The following GSDMC variants were observed in gnomAD, a reference collection of about 807,000 sequenced individuals.
GSDMC encodes the protein gasdermin-C.
GSDMC carries 59 observed loss-of-function variants against 58.0 expected under a neutral mutation model. That is an observed-to-expected ratio of 1.02 (90% CI 0.82 to 1.26). The LOEUF (loss-of-function observed/expected upper bound fraction) is 1.26. GSDMC is among the 50% of genes most tolerant of loss of function. The pLI, the probability that GSDMC is intolerant of heterozygous loss-of-function variation, is 0.00. For missense variants in GSDMC, 659 were observed against 598.5 expected (o/e 1.10, Z -1.06); for synonymous variants, 241 against 220.2 (o/e 1.09, Z -0.83).
the GSDMC span, among the ~76,000 whole-genome samples, chr8:129,724,967 G>A: frequency 1.3e-5 from 2 of 152,150 alleles, no homozygotes; most frequent in Non-Finnish European, 1.5e-5. Context: ...AGGTTTTCTT[G>A]AAGTGCTCCT....
intron 1 of GSDMC, among the ~76,000 whole-genome samples, chr8:129,778,231 C>G (rs1012755139): frequency 6.6e-6 from 1 of 152,100 alleles, no homozygotes; most frequent in African/African-American, 2.4e-5. Flanking sequence ...GTACAGAAAT[C>G]AGCAAGTGCA....
At chr8:129,709,575 T>TA in the GSDMC span, among the ~76,000 whole-genome samples, 268 of 148,650 alleles carry the variant, frequency 1.8e-3, no homozygotes, top group East Asian at 5.4e-3. Flanking sequence ...AGATGATAGA[T>TA]GATAGATAGA....
chr8:129,732,417 A>G, the GSDMC span, among the ~76,000 whole-genome samples: 1 of 152,082 alleles, frequency 6.6e-6, no homozygotes, highest in Non-Finnish European at 1.5e-5. Context: ...AAATAATACT[A>G]TTATAGGGAA....
intron 6 of GSDMC, among the ~76,000 whole-genome samples, chr8:129,753,403 G>A (rs575222895): frequency 6.6e-6 from 1 of 152,252 alleles, no homozygotes; most frequent in South Asian, 2.1e-4. Context: ...GGGTGAAAAG[G>A]GAACCTACTG....
At chr8:129,731,127 A>G in the GSDMC span, among the ~76,000 whole-genome samples, 3 of 152,212 alleles carry the variant, frequency 2.0e-5, no homozygotes, top group East Asian at 1.9e-4. Context: ...TAATTTTAAT[A>G]TAAAAAAACT....
At chr8:129,776,536 G>C (rs2034232019) in intron 2 of GSDMC, among the ~76,000 whole-genome samples, 1 of 152,144 alleles carries the variant, frequency 6.6e-6, no homozygotes, top group South Asian at 2.1e-4. Flanking sequence ...AGAAATAGTG[G>C]TGTCAAATGT....
chr8:129,745,923 T>C (rs940079133), downstream of GSDMC, among the ~76,000 whole-genome samples: 4 of 151,544 alleles, frequency 2.6e-5, no homozygotes, highest in African/African-American at 9.7e-5. Flanking sequence ...CCTTAAGCAC[T>C]GGAAAACACA....
intron 4 of GSDMC, among the ~76,000 whole-genome samples, chr8:129,763,715 T>A (rs2033754990): frequency 6.6e-6 from 1 of 152,124 alleles, no homozygotes; most frequent in African/African-American, 2.4e-5. Context: ...TAGCTGGAAC[T>A]ACAGGTATGC....
intron 6 of GSDMC, among the ~76,000 whole-genome samples, chr8:129,756,769 A>G (rs2130393173): frequency 6.6e-6 from 1 of 152,306 alleles, no homozygotes; most frequent in Non-Finnish European, 1.5e-5. Flanking sequence ...GAAACCATAC[A>G]AATACATGGA....
At chr8:129,711,629 G>T in the GSDMC span, among the ~76,000 whole-genome samples, 17 of 152,182 alleles carry the variant, frequency 1.1e-4, no homozygotes, top group Non-Finnish European at 1.3e-4. Context: ...AGGCTGATGA[G>T]GGGGCACAAT....
At chr8:129,748,148 G>T, downstream of GSDMC, 1 of 163,036 alleles carries the variant, frequency 6.1e-6, no homozygotes, top group African/African-American at 2.4e-5. Flanking sequence ...GTAAGTTACC[G>T]TTATCGGTAC....
chr8:129,748,644 C>T lies in GSDMC; in HGVS notation c.1384G>A (p.Ala462Thr), dbSNP rs750072260. The stretch of plus-strand genomic sequence containing the variant: ...TCCTCCAGCAGGCCATAGGTGATGG[C>T]CAAACCCTCACTCTGGAGTGGGGCG... ...LLAPLQSEGL[A>T]ITYGLLEECG... Residue 462 changes from alanine (A) to threonine (T), a missense_variant, in exon 14 of 14, where the codon GCC becomes ACC. Physicochemically the swap from Ala to Thr is moderately conservative, Grantham distance 58. Coordinates refer to ENST00000276708, the MANE Select transcript of GSDMC (RefSeq NM_031415.3). The T allele has an allele frequency of 6.2e-7, 1 of 1,611,392 alleles. No homozygotes were observed. The highest frequency in any genetic ancestry group is 8.5e-7 in the Non-Finnish European group (1 of 1,178,814).
At chr8:129,775,630 TTTTA>T (rs2034200310) in intron 3 of GSDMC, among the ~76,000 whole-genome samples, 1 of 152,152 alleles carries the variant, frequency 6.6e-6, no homozygotes, top group South Asian at 2.1e-4. Context: ...ATTCACACAA[TTTTA>T]TTTGTCAATT....
chr8:129,710,923 G>A, the GSDMC span, among the ~76,000 whole-genome samples: 1 of 152,178 alleles, frequency 6.6e-6, no homozygotes, highest in Admixed American at 6.5e-5. Context: ...TCTGCAGGCA[G>A]AGGGAAAATC....
chr8:129,751,743 G>T lies in GSDMC; in HGVS notation c.916+119C>A. ...TTTCTGGACCCTTCCCATTCCACAT[G>T]ACCAAACGCCAGGCCCTAGGGCGGT... On this transcript the variant is annotated intron_variant, in intron 9 of 13. Coordinates refer to ENST00000276708, the MANE Select transcript of GSDMC (RefSeq NM_031415.3). The T allele has an allele frequency of 4.2e-6, 5 of 1,185,380 alleles. No individual in the cohort carries two copies. The South Asian group carries it at 6.5e-5, about 15-fold the overall frequency. The allele number at this position is 1,185,380 out of a possible 1,614,324, so 73.4% of individuals were successfully genotyped here.
At chr8:129,726,556 G>T in the GSDMC span, among the ~76,000 whole-genome samples, 1 of 152,170 alleles carries the variant, frequency 6.6e-6, no homozygotes, top group Admixed American at 6.5e-5. Context: ...TCATTTTATA[G>T]ATAACCCAGA....
the GSDMC span, among the ~76,000 whole-genome samples, chr8:129,705,788 G>C: frequency 1.4e-4 from 22 of 152,188 alleles, no homozygotes; most frequent in Non-Finnish European, 2.6e-4. Context: ...AATGTGGAGT[G>C]AAGGGGAGGA....
At chr8:129,755,126 C>G (rs188272142) in intron 6 of GSDMC, among the ~76,000 whole-genome samples, 2 of 152,218 alleles carry the variant, frequency 1.3e-5, no homozygotes, top group East Asian at 3.9e-4. Flanking sequence ...TTATAGAACA[C>G]CACGCAGATT....
At chr8:129,719,097 G>A in the GSDMC span, among the ~76,000 whole-genome samples, 1 of 152,080 alleles carries the variant, frequency 6.6e-6, no homozygotes, top group Non-Finnish European at 1.5e-5. Context: ...ACGAGTTGAT[G>A]GGTGCAGCAA....
Sources: allele counts gnomAD v4.1 joint callset (sites outside exome capture counted in the v4.1 genomes callset), GRCh38; gene constraint gnomAD v4.1.1; transcripts MANE v1.5; gene names NCBI Gene and HGNC (gene_info 2026-07-23, HGNC 2026-07-21).